Variants in CORO2B observed in about 807,000 individuals in gnomAD.
The protein encoded by CORO2B is coronin-2B.
A neutral mutation model predicts 58.8 loss-of-function variants in CORO2B; 26 were observed. The observed-to-expected ratio is 0.44, with a 90% confidence interval of 0.32 to 0.61. The LOEUF (loss-of-function observed/expected upper bound fraction) is 0.61, where lower values mean the gene tolerates loss of function less well. Ranked by LOEUF, CORO2B falls within the 20% of genes least tolerant of loss-of-function variation. The pLI, the probability that CORO2B is intolerant of heterozygous loss-of-function variation, is 0.04. For synonymous variants in CORO2B, 242 were observed against 253.8 expected, an observed-to-expected ratio of 0.95 and a Z score of 0.44; for missense variants, 460 against 645.1, an observed-to-expected ratio of 0.71 and a Z score of 3.11.
intron 2 of CORO2B, among the ~76,000 whole-genome samples, chr15:68,651,430 T>C (rs1595990508): frequency 6.6e-6 from 1 of 152,174 alleles, no homozygotes; most frequent in African/African-American, 2.4e-5. Context: ...AGGAAAAGGG[T>C]CAGATTATTT....
At chr15:68,563,495 AAAAAG>A in the CORO2B span, among the ~76,000 whole-genome samples, 16 of 151,996 alleles carry the variant, frequency 1.1e-4, no homozygotes, top group Admixed American at 9.2e-4. Flanking sequence ...TTTAAAAAAA[AAAAAG>A]AAAAGAAAAG....
intron 2 of CORO2B, among the ~76,000 whole-genome samples, chr15:68,656,901 A>G (rs533605405): frequency 6.6e-6 from 1 of 152,260 alleles, no homozygotes; most frequent in South Asian, 2.1e-4. Flanking sequence ...GCTCAGGGCA[A>G]ACCTTTCAGT....
chr15:68,721,000 G>T (rs1028112099), intron 11 of CORO2B, among the ~76,000 whole-genome samples: 14 of 152,132 alleles, frequency 9.2e-5, no homozygotes, highest in African/African-American at 3.4e-4. Flanking sequence ...TCCTGCCCTA[G>T]CCTCCCAAGT....
At chr15:68,550,888 C>A in the CORO2B span, among the ~76,000 whole-genome samples, 4 of 152,334 alleles carry the variant, frequency 2.6e-5, no homozygotes, top group East Asian at 7.7e-4. Flanking sequence ...AGGACTCGAA[C>A]GCAGCCCACC....
the CORO2B span, among the ~76,000 whole-genome samples, chr15:68,557,847 G>A: frequency 6.6e-6 from 1 of 152,220 alleles, no homozygotes; most frequent in Non-Finnish European, 1.5e-5. Context: ...TAGGGAAGAG[G>A]GGGTGCAGCA....
intron 2 of CORO2B, among the ~76,000 whole-genome samples, chr15:68,690,867 C>G (rs1892341799): frequency 6.6e-6 from 1 of 151,676 alleles, no homozygotes; most frequent in African/African-American, 2.4e-5. Flanking sequence ...GTTTCCCAGG[C>G]TGGTCTCGAA....
intron 2 of CORO2B, among the ~76,000 whole-genome samples, chr15:68,656,997 TC>T (rs755755867): frequency 6.6e-6 from 1 of 152,154 alleles, no homozygotes; most frequent in Non-Finnish European, 1.5e-5. Context: ...CCCAGTTTGC[TC>T]ATTTATCTCA....
intron 5 of CORO2B, 69 bp downstream of exon 5, chr15:68,711,775 C>A: frequency 6.3e-7 from 1 of 1,582,472 alleles, no homozygotes; most frequent in Non-Finnish European, 8.6e-7. Context: ...TTCAGCAGGC[C>A]TGGAAGAAAA....
At chr15:68,525,523 A>G in the CORO2B span, among the ~76,000 whole-genome samples, 23 of 152,224 alleles carry the variant, frequency 1.5e-4, no homozygotes, top group Non-Finnish European at 3.2e-4. Flanking sequence ...TGCAGGGTTT[A>G]GTGAAAATAT....
intron 2 of CORO2B, among the ~76,000 whole-genome samples, chr15:68,652,722 A>T (rs1450044684): frequency 2.0e-5 from 3 of 152,210 alleles, no homozygotes; most frequent in African/African-American, 7.2e-5. Flanking sequence ...CTCAAGTTCT[A>T]TGATGAAAGT....
At chr15:68,535,130 C>T in the CORO2B span, among the ~76,000 whole-genome samples, 5 of 152,198 alleles carry the variant, frequency 3.3e-5, no homozygotes, top group Non-Finnish European at 7.3e-5. Context: ...CTCCTAGGCA[C>T]CTCACCTTTT....
intron 7 of CORO2B, 62 bp from the exon 8 acceptor site, chr15:68,715,153 C>A: frequency 6.9e-7 from 1 of 1,446,912 alleles, no homozygotes; most frequent in East Asian, 2.3e-5. Context: ...GCTCCTGGGA[C>A]CAGGCCCTGC....
intron 1 of CORO2B, among the ~76,000 whole-genome samples, chr15:68,597,627 CAAA>C (rs139544672): frequency 9.1e-5 from 13 of 142,376 alleles, no homozygotes; most frequent in African/African-American, 2.9e-4. Flanking sequence ...TCCCCCCCAT[CAAA>C]AAAAAAAAAA....
chr15:68,547,808 T>C, the CORO2B span, among the ~76,000 whole-genome samples: 2 of 152,220 alleles, frequency 1.3e-5, no homozygotes, highest in Non-Finnish European at 2.9e-5. Context: ...AAATATTAAA[T>C]ACTATTTTCA....
intron 1 of CORO2B, among the ~76,000 whole-genome samples, chr15:68,636,610 G>A (rs1204508245): frequency 6.6e-6 from 1 of 152,206 alleles, no homozygotes; most frequent in East Asian, 1.9e-4. Flanking sequence ...AAGGGGCCCT[G>A]TGAGTTGGTA....
chr15:68,659,251 G>A (rs765367141), intron 2 of CORO2B, among the ~76,000 whole-genome samples: 3 of 152,118 alleles, frequency 2.0e-5, no homozygotes, highest in Admixed American at 6.6e-5. Context: ...GGATAAGGGC[G>A]CTGACCCCTG....
chr15:68,655,916 G>A (rs1034393567), intron 2 of CORO2B, among the ~76,000 whole-genome samples: 3 of 152,164 alleles, frequency 2.0e-5, no homozygotes, highest in Non-Finnish European at 2.9e-5. Flanking sequence ...GGGTGCAGGA[G>A]GGGTGTGGGG....
the CORO2B span, among the ~76,000 whole-genome samples, chr15:68,558,153 A>T: frequency 6.6e-6 from 1 of 152,158 alleles, no homozygotes; most frequent in South Asian, 2.1e-4. Flanking sequence ...CGGAGGGCAG[A>T]TAAGAAGTTG....
chr15:68,584,909 C>T (rs1899513264), intron 1 of CORO2B, among the ~76,000 whole-genome samples: 1 of 151,434 alleles, frequency 6.6e-6, no homozygotes, highest in Non-Finnish European at 1.5e-5. Flanking sequence ...TTAGAATGAG[C>T]CTCTCCTTTG....
Sources: allele counts gnomAD v4.1 joint callset (sites outside exome capture counted in the v4.1 genomes callset), GRCh38; gene constraint gnomAD v4.1.1; transcripts MANE v1.5; gene names NCBI Gene and HGNC (gene_info 2026-07-23, HGNC 2026-07-21).